Variants in C6 observed in about 807,000 individuals in gnomAD.
C6 encodes the protein complement C6.
C6 carries 101 observed loss-of-function variants against 112.9 expected under a neutral mutation model. The ratio of observed to expected loss-of-function variants is 0.89; its 90% CI spans 0.76 to 1.06. The LOEUF (loss-of-function observed/expected upper bound fraction) is 1.06, where lower values mean the gene tolerates loss of function less well. C6 is among the 50% of genes least tolerant of loss of function. The pLI is 0.00. For missense variants in C6, 1,202 were observed against 1,104.6 expected (o/e 1.09, Z -1.25); for synonymous variants, 431 against 384.1 (o/e 1.12, Z -1.43).
intron 17 of C6, among the ~76,000 whole-genome samples, chr5:41,145,470 A>G (rs559146863): frequency 1.3e-5 from 2 of 152,316 alleles, no homozygotes; most frequent in South Asian, 4.1e-4. Flanking sequence ...AATTTATTTA[A>G]TGGATCTGGA....
upstream of C6, among the ~76,000 whole-genome samples, chr5:41,214,113 A>G (rs1752100746): frequency 1.3e-5 from 2 of 152,164 alleles, no homozygotes; most frequent in African/African-American, 4.8e-5. Context: ...GAAGCAGAAC[A>G]AAATAGTGCA....
chr5:41,192,926 G>C (rs1750329680), intron 5 of C6, among the ~76,000 whole-genome samples: 1 of 152,134 alleles, frequency 6.6e-6, no homozygotes, highest in African/African-American at 2.4e-5. Context: ...GTTTTACTTT[G>C]GGTATGTTGA....
intron 1 of C6, among the ~76,000 whole-genome samples, chr5:41,252,608 G>A (rs1741436087): frequency 6.6e-6 from 1 of 152,216 alleles, no homozygotes; most frequent in African/African-American, 2.4e-5. Flanking sequence ...GCCCTGCAAA[G>A]CCATCTCTTT....
chr5:41,201,792 G>A (rs368232440), intron 2 of C6, 78 bp from the exon 3 acceptor site: 6 of 1,276,450 alleles, frequency 4.7e-6, no homozygotes, highest in African/African-American at 4.4e-5. Flanking sequence ...GTATCATTGA[G>A]CATTAACTAC....
chr5:41,238,433 A>C lies in C6; in HGVS notation c.-21+22761T>G, dbSNP rs561800025. Among the ~76,000 whole-genome samples the C allele has an allele frequency of 7.2e-5, 11 of 152,336 alleles. No individual in the cohort carries two copies. In the South Asian group the frequency reaches 1.9e-3, roughly 26 times the overall value. On this transcript the variant is annotated intron_variant, in intron 1 of 17. Transcript: ENST00000263413. Reference sequence around the variant, plus strand: ...CTTCAGAAATAATGCCACATATCTCATTCTTTATTAATAAATAATAAATGG... The same window carrying C: ...CTTCAGAAATAATGCCACATATCTCCTTCTTTATTAATAAATAATAAATGG...
At chr5:41,236,623 A>C (rs1740325341) in intron 1 of C6, among the ~76,000 whole-genome samples, 2 of 124,362 alleles carry the variant, frequency 1.6e-5, no homozygotes, top group South Asian at 6.0e-4. Context: ...AAGAGAAAGC[A>C]GGAAAGATCC....
chr5:41,257,473 A>C (rs1275418001), intron 1 of C6, among the ~76,000 whole-genome samples: 3 of 152,088 alleles, frequency 2.0e-5, no homozygotes, highest in Non-Finnish European at 4.4e-5. Context: ...TAGTGCTGTG[A>C]TGAACATATG....
intron 1 of C6, among the ~76,000 whole-genome samples, chr5:41,222,680 C>T (rs1194031316): frequency 6.6e-6 from 1 of 152,000 alleles, no homozygotes; most frequent in Non-Finnish European, 1.5e-5. Context: ...TTTCTGATAC[C>T]TTTGTGCATA....
At chr5:41,218,341 CA>C (rs1738931052), upstream of C6, among the ~76,000 whole-genome samples, 2 of 151,458 alleles carry the variant, frequency 1.3e-5, no homozygotes, top group Non-Finnish European at 2.9e-5. Context: ...ACGAATTTTG[CA>C]AAAATTTACT....
intron 14 of C6, 54 bp from the exon 15 acceptor site, chr5:41,154,052 TTTAGGCAAA>T: frequency 6.6e-7 from 1 of 1,519,986 alleles, no homozygotes; most frequent in South Asian, 1.1e-5. Context: ...AAACAAAAAA[TTTAGGCAAA>T]TTTTGTGCAA....
intron 1 of C6, among the ~76,000 whole-genome samples, chr5:41,228,413 C>G (rs1739664126): frequency 1.3e-5 from 2 of 152,096 alleles, no homozygotes; most frequent in South Asian, 2.1e-4. Context: ...CAAGCAGAGA[C>G]AGTTTACCTT....
intron 15 of C6, among the ~76,000 whole-genome samples, chr5:41,150,424 C>A (rs1208396155): frequency 6.6e-6 from 1 of 152,126 alleles, no homozygotes; most frequent in African/African-American, 2.4e-5. Context: ...TGCAGACAGA[C>A]ATTAATCAAA....
chr5:41,238,298 T>C (rs1360872022), intron 1 of C6, among the ~76,000 whole-genome samples: 2 of 146,974 alleles, frequency 1.4e-5, no homozygotes, highest in African/African-American at 5.1e-5. Flanking sequence ...AGAACAAAGC[T>C]GGAGGCATCA....
At chr5:41,182,783 G>T (rs1013816982) in intron 6 of C6, among the ~76,000 whole-genome samples, 1 of 152,162 alleles carries the variant, frequency 6.6e-6, no homozygotes, top group East Asian at 1.9e-4. Context: ...CCAAATTTTT[G>T]TTTGAAGAAA....
At chr5:41,230,013 C>A in intron 1 of C6, among the ~76,000 whole-genome samples, 1 of 152,122 alleles carries the variant, frequency 6.6e-6, no homozygotes, top group East Asian at 1.9e-4. Context: ...AATCGCTGAA[C>A]ATAAATTGTG....
chr5:41,197,481 T>A lies in C6; in HGVS notation c.446-1548A>T, dbSNP rs930160951. On this transcript the variant is annotated intron_variant, in intron 4 of 17. Transcript: ENST00000337836. ...ATGAATCTATACATATTACATTTTT[T>A]AAAAAGTTTTGAACCTAGCACTTAC... 1.1e-4 allele frequency among the ~76,000 whole-genome samples: 17 copies of A among 152,172 alleles called. 1 individual carries two copies. The highest frequency in any genetic ancestry group is 2.1e-4 in the South Asian group (1 of 4,824).
At chr5:41,230,452 G>A (rs1276440410) in intron 1 of C6, among the ~76,000 whole-genome samples, 1 of 152,032 alleles carries the variant, frequency 6.6e-6, no homozygotes, top group African/African-American at 2.4e-5. Flanking sequence ...GTTGAGATAA[G>A]GACTGAAAAA....
chr5:41,187,935 G>C (rs1749910288), intron 5 of C6, among the ~76,000 whole-genome samples: 1 of 152,032 alleles, frequency 6.6e-6, no homozygotes, highest in Non-Finnish European at 1.5e-5. Flanking sequence ...GTAATTGCTT[G>C]CAGAAACAAA....
chr5:41,146,986 A>C (rs1256771770), intron 17 of C6, among the ~76,000 whole-genome samples: 1 of 152,166 alleles, frequency 6.6e-6, no homozygotes, highest in Non-Finnish European at 1.5e-5. Flanking sequence ...TAAATAAGGA[A>C]GAATGGAAGG....
Sources: allele counts gnomAD v4.1 joint callset (sites outside exome capture counted in the v4.1 genomes callset), GRCh38; gene constraint gnomAD v4.1.1; transcripts MANE v1.5; gene names NCBI Gene and HGNC (gene_info 2026-07-23, HGNC 2026-07-21).